ARID4A: variants seen among roughly 807,000 people sequenced by gnomAD.
The protein encoded by ARID4A is AT-rich interactive domain-containing protein 4A.
A neutral mutation model predicts 148.6 loss-of-function variants in ARID4A; 39 were observed. The observed-to-expected ratio is 0.26, with a 90% CI of 0.20 to 0.34. The LOEUF (loss-of-function observed/expected upper bound fraction) is 0.34, where lower values mean the gene tolerates loss of function less well. Ranked by LOEUF, ARID4A falls within the 10% of genes least tolerant of loss-of-function variation. The probability of loss-of-function intolerance (pLI) is 1.00; values close to 1 mark genes in which losing one functional copy is unlikely to be tolerated. For missense variants in ARID4A, 1,265 were observed against 1,449.1 expected, an observed-to-expected ratio of 0.87 and a Z score of 2.06; for synonymous variants, 475 against 481.2, an observed-to-expected ratio of 0.99 and a Z score of 0.17.
Position 58,357,475 on chromosome 14 carries a change from A to C in ARID4A, c.1854-1657A>C, listed in dbSNP as rs952549183. 3.9e-5 allele frequency among the ~76,000 whole-genome samples: 6 copies of C among 152,234 alleles called. No individual in the cohort carries two copies. In the South Asian group the frequency reaches 1.2e-3, roughly 32 times the overall value. On this transcript the variant is annotated intron_variant, in intron 17 of 23. Transcript: ENST00000355431. ...ATGGTTTCCAGATACATGAGTTTCT[A>C]TTAATACGCTACAGTCTAAAACAAG...
At position 58,325,004 on chromosome 14, in the gene ARID4A, G is replaced by A. The variant is rs1373574742; in HGVS notation, c.582+1387G>A. 2.6e-5 allele frequency among the ~76,000 whole-genome samples: 4 copies of A among 152,118 alleles called. No homozygotes were observed. In the East Asian group the frequency reaches 5.8e-4, roughly 22 times the overall value. On this transcript the variant is annotated intron_variant, in intron 8 of 23. Transcript: ENST00000355431. The stretch of plus-strand genomic sequence containing the variant: ...TACTGAATGGAGTAAGAAAGGAGGG[G>A]TTCACCTAAAATTTAAGGAAGATTT...
intron 8 of ARID4A, among the ~76,000 whole-genome samples, chr14:58,326,591 GA>G (rs1220089056): frequency 3.9e-5 from 6 of 152,200 alleles, no homozygotes; most frequent in Non-Finnish European, 7.4e-5. Context: ...TTCATCTAAA[GA>G]ATTTGGACAT....
chr14:58,351,076 C>T lies in ARID4A; in HGVS notation c.1408C>T (p.Arg470Ter). ...AAGCTTTTATCCCCTCTACTAGGGA[C>T]GAAGGAGAATTGCTCGAGATGTAAA... ...EEIELKSPRG[R>*]RRIARDVNSI... The change falls in exon 16 of 24, where the codon CGA (arginine) becomes TGA (stop). Residue 470 changes from arginine (R) to a stop codon, truncating the protein, a stop_gained. Coordinates refer to ENST00000355431, the MANE Select transcript of ARID4A (RefSeq NM_002892.4). LOFTEE classifies it high-confidence loss of function. 6.3e-7 allele frequency: 1 copy of T among 1,590,308 alleles called. No individual in the cohort carries two copies. The highest frequency in any genetic ancestry group is 8.5e-7 in the Non-Finnish European group (1 of 1,174,442).
rs71107934 is a variant in ARID4A at position 58,319,521 on chromosome 14, C to CTTT, written c.449+753_449+755dup. ...ATCTGTGTATGAATGTCTATATACT[C>CTTT]TTTTTTTTTTTTTTTTTTTTTTTTT... On this transcript the variant is annotated intron_variant, in intron 7 of 23. Coordinates refer to ENST00000355431, the MANE Select transcript of ARID4A (RefSeq NM_002892.4). 1.3e-4 allele frequency among the ~76,000 whole-genome samples: 8 copies of CTTT among 62,096 alleles called. 2 individuals carry two copies. The highest frequency in any genetic ancestry group is 1.0e-3 in the East Asian group (2 of 1,946). 40.7% of individuals were successfully genotyped at this position (62,096 alleles called of 152,430 possible). A position where few individuals can be genotyped will look rare whatever the true frequency, so the allele number is the denominator to read the frequency against.
intron 23 of ARID4A, among the ~76,000 whole-genome samples, chr14:58,367,747 C>G (rs1167853941): frequency 1.3e-5 from 2 of 152,100 alleles, no homozygotes; most frequent in Non-Finnish European, 2.9e-5. Context: ...GCTAAAATAA[C>G]AGTAAAGGAA....
chr14:58,364,407 G>C lies in ARID4A; in HGVS notation c.2318G>C (p.Gly773Ala). 1 of 1,611,302 alleles carries C rather than the reference G, an allele frequency of 6.2e-7. No individual in the cohort carries two copies. The highest frequency in any genetic ancestry group is 8.5e-7 in the Non-Finnish European group (1 of 1,179,482). ...GENEQIVQIF[G>A]NKMEKTEEVK... ...AATGAACAAATAGTACAGATTTTTG[G>C]GAACAAAATGGAAAAAACAGAAGAA... Residue 773 changes from glycine to alanine, a missense_variant, in exon 20 of 24, where the codon GGG (glycine) becomes GCG (alanine). By Grantham distance (60) the Gly-to-Ala change is moderately conservative. Transcript: ENST00000355431.
At chr14:58,323,174 T>C (rs1594895672) in intron 7 of ARID4A, among the ~76,000 whole-genome samples, 1 of 151,218 alleles carries the variant, frequency 6.6e-6, no homozygotes, top group Admixed American at 6.6e-5. Context: ...AAAAAAAAAG[T>C]ATTTGGCACA....
chr14:58,352,745 G>C (rs17094474), intron 16 of ARID4A, among the ~76,000 whole-genome samples: 138,357 of 152,188 alleles, frequency 0.91, 63,396 homozygotes, highest in East Asian at 1. Flanking sequence ...GAGCCCAGTA[G>C]TACTTGTTGA....
At chr14:58,302,927 T>A (rs879489963) in intron 3 of ARID4A, among the ~76,000 whole-genome samples, 1 of 152,126 alleles carries the variant, frequency 6.6e-6, no homozygotes, top group Non-Finnish European at 1.5e-5. Flanking sequence ...GCCACTGCAC[T>A]CCAGGCCGGA....
chr14:58,343,147 T>C (rs1019556360), intron 11 of ARID4A, among the ~76,000 whole-genome samples: 5 of 152,178 alleles, frequency 3.3e-5, no homozygotes, highest in African/African-American at 1.2e-4. Context: ...ATTTTTAAAT[T>C]CACATGGGGA....
At chr14:58,334,972 T>C (rs891515290) in intron 11 of ARID4A, among the ~76,000 whole-genome samples, 1 of 152,176 alleles carries the variant, frequency 6.6e-6, no homozygotes, top group Non-Finnish European at 1.5e-5. Flanking sequence ...CCAGAATGCT[T>C]AGAGTTACAT....
In ARID4A at chr14:58,372,964, AGCTCTCAGC is replaced by A. The variant is rs1354451251; in HGVS notation, c.*976_*984del. On this transcript the variant is annotated 3_prime_UTR_variant, in exon 24 of 24. Transcript: ENST00000355431. ...GTTAATTCACTCTTTGGATGACAAT[AGCTCTCAGC>A]TGTCCTTTTTACAGGAGGTTGCATC... is the stretch of plus-strand genomic sequence containing the variant. The A allele has an allele frequency of 1.6e-5, 3 of 189,726 alleles. No individual in the cohort carries two copies. Among genetic ancestry groups the A allele is most frequent in the African/African-American group, 7.0e-5 (3 of 42,920 alleles). 11.8% of individuals were successfully genotyped at this position (189,726 alleles called of 1,614,324 possible). A position where few individuals can be genotyped will look rare whatever the true frequency, so the allele number is the denominator to read the frequency against.
At chr14:58,306,544 C>T (rs1235741883) in intron 5 of ARID4A, among the ~76,000 whole-genome samples, 2 of 152,128 alleles carry the variant, frequency 1.3e-5, no homozygotes, top group South Asian at 2.1e-4. Context: ...TGATTGTTAA[C>T]TTAGTTTTTG....
chr14:58,359,341 C>G (rs1594956609), intron 18 of ARID4A, 125 bp downstream of exon 18: 4 of 770,482 alleles, frequency 5.2e-6, no homozygotes, highest in African/African-American at 1.8e-5. Context: ...GTATATAGAC[C>G]TCCCATATAC....
At position 58,302,935 on chromosome 14, in the gene ARID4A, G is replaced by T. The variant is rs555364759; in HGVS notation, c.117+1245G>T. Among the ~76,000 whole-genome samples, 27 of 152,252 alleles carry T rather than the reference G, an allele frequency of 1.8e-4. No individual in the cohort carries two copies. In the South Asian group the frequency reaches 5.4e-3, roughly 30 times the overall value. ...TGATTGTGCCACTGCACTCCAGGCC[G>T]GATGACAGGGCAAGACCCTGTCTCA... is the stretch of plus-strand genomic sequence containing the variant. On this transcript the variant is annotated intron_variant, in intron 3 of 23. Coordinates refer to ENST00000355431, the MANE Select transcript of ARID4A (RefSeq NM_002892.4).
At chr14:58,361,234 T>C in intron 19 of ARID4A, 192 bp downstream of exon 19, 1 of 546,638 alleles carries the variant, frequency 1.8e-6, no homozygotes, top group Non-Finnish European at 2.3e-6. Context: ...GAAGTGTTTT[T>C]GGTTTTTGAT....
rs148133097 is a variant in ARID4A, at chr14:58,318,183, A to C, written c.275-359A>C. On this transcript the variant is annotated intron_variant, in intron 5 of 23. Transcript: ENST00000355431. ...TCTAATATTAAACTTTTGTGGAAAA[A>C]TCCATAATACTTTTTTTAATCAGGT... Among the ~76,000 whole-genome samples the C allele has an allele frequency of 8.5e-5, 13 of 152,278 alleles. No individual in the cohort carries two copies. In the East Asian group the frequency reaches 2.1e-3, roughly 25 times the overall value.
intron 11 of ARID4A, among the ~76,000 whole-genome samples, chr14:58,334,633 A>C (rs2033705293): frequency 6.6e-6 from 1 of 152,196 alleles, no homozygotes; most frequent in African/African-American, 2.4e-5. Context: ...TGGGAGCTTC[A>C]GATGCGAGCA....
chr14:58,361,781 C>T (rs1417723476), intron 19 of ARID4A, among the ~76,000 whole-genome samples: 2 of 152,258 alleles, frequency 1.3e-5, no homozygotes, highest in African/African-American at 4.8e-5. Context: ...CAATGTGTCC[C>T]ATGAGGTCAG....
Sources: gnomAD v4.1 joint callset for allele counts (sites outside exome capture counted in the v4.1 genomes callset) on GRCh38, gnomAD v4.1.1 for gene constraint, MANE v1.5 for transcripts, NCBI Gene and HGNC (gene_info 2026-07-23, HGNC 2026-07-21) for gene names.